EPHA6: variants seen among roughly 807,000 people sequenced by gnomAD.
The protein encoded by EPHA6 is ephrin type-A receptor 6.
EPHA6 carries 50 observed loss-of-function variants against 112.0 expected under a neutral mutation model. The observed-to-expected ratio is 0.45, with a 90% CI of 0.36 to 0.56. EPHA6 has a LOEUF of 0.56. Ranked by LOEUF, EPHA6 falls within the 20% of genes least tolerant of loss-of-function variation. EPHA6 has a pLI of 0.00. For missense variants in EPHA6, 1,280 were observed against 1,417.4 expected, an observed-to-expected ratio of 0.90 and a Z score of 1.56; for synonymous variants, 529 against 490.7, an observed-to-expected ratio of 1.08 and a Z score of -1.03.
At chr3:97,592,483 TC>T (rs2107347730) in intron 11 of EPHA6, 128 bp from the exon 12 acceptor site, 13 of 1,057,616 alleles carry the variant, frequency 1.2e-5, no homozygotes, top group Non-Finnish European at 1.8e-5. Context: ...ATGCATTCCA[TC>T]CCTTTAATTT....
intron 5 of EPHA6, among the ~76,000 whole-genome samples, chr3:97,330,148 G>A (rs1455378855): frequency 1.3e-5 from 2 of 151,952 alleles, no homozygotes; most frequent in East Asian, 3.9e-4. Context: ...CATTATTTCT[G>A]AGGGCTCTGT....
intron 13 of EPHA6, among the ~76,000 whole-genome samples, chr3:97,634,304 T>C (rs1189440317): frequency 6.6e-6 from 1 of 152,076 alleles, no homozygotes; most frequent in Non-Finnish European, 1.5e-5. Flanking sequence ...TTAGCTATTT[T>C]TCTCCTATAA....
intron 2 of EPHA6, among the ~76,000 whole-genome samples, chr3:96,887,233 G>C (rs1425470251): frequency 6.6e-6 from 1 of 152,154 alleles, no homozygotes; most frequent in Admixed American, 6.5e-5. Flanking sequence ...TCAGAGGGAG[G>C]TTCTAAGGCT....
intron 3 of EPHA6, among the ~76,000 whole-genome samples, chr3:97,090,968 TA>T (rs1336993773): frequency 6.6e-6 from 1 of 152,164 alleles, no homozygotes; most frequent in Non-Finnish European, 1.5e-5. Context: ...CTGTTTACAC[TA>T]ATAATTACAG....
Position 97,747,538 on chromosome 3 carries a change from A to G in EPHA6, c.3244A>G (p.Thr1082Ala), listed in dbSNP as rs771996080. 6.2e-7 allele frequency: 1 copy of G among 1,609,878 alleles called. No individual in the cohort carries two copies. The highest frequency in any genetic ancestry group is 1.3e-5 in the African/African-American group (1 of 74,600). The part of the protein sequence containing the change: ...YKNNFVAAGF[T>A]TFDLISRMSI... Reference sequence around the variant, plus strand: ...GAATAACTTCGTGGCAGCAGGGTTTACAACATTTGACCTGATTTCAAGAAT... The same window carrying G: ...GAATAACTTCGTGGCAGCAGGGTTTGCAACATTTGACCTGATTTCAAGAAT... Residue 1082 changes from threonine to alanine, a missense_variant, in exon 17 of 18, where the codon ACA becomes GCA. Physicochemically the swap from Thr to Ala is moderately conservative, Grantham distance 58. Transcript: ENST00000389672.
intron 3 of EPHA6, among the ~76,000 whole-genome samples, chr3:97,071,614 GC>G (rs1383873523): frequency 6.6e-6 from 1 of 151,928 alleles, no homozygotes; most frequent in Non-Finnish European, 1.5e-5. Context: ...AGAAAGACTG[GC>G]CCCCATGATT....
chr3:97,466,268 G>C (rs778871676), intron 7 of EPHA6: 4 of 1,184,384 alleles, frequency 3.4e-6, no homozygotes, highest in Non-Finnish European at 5.0e-6. Flanking sequence ...TGACAGTAAG[G>C]TTAGATAGAA....
chr3:97,253,827 T>C (rs534099606), intron 5 of EPHA6, among the ~76,000 whole-genome samples: 95 of 152,278 alleles, frequency 6.2e-4, no homozygotes, highest in Non-Finnish European at 1.1e-3. Flanking sequence ...AAATAGTGGA[T>C]GTTTGGCCAT....
intron 1 of EPHA6, among the ~76,000 whole-genome samples, chr3:96,815,669 A>G (rs2032720882): frequency 6.6e-6 from 1 of 152,138 alleles, no homozygotes; most frequent in Non-Finnish European, 1.5e-5. Context: ...CAAGTCACTG[A>G]CAGATTGCTT....
chr3:97,249,103 G>A (rs1276544392), intron 5 of EPHA6, among the ~76,000 whole-genome samples: 1 of 151,114 alleles, frequency 6.6e-6, no homozygotes, highest in Non-Finnish European at 1.5e-5. Flanking sequence ...TGAAATACAA[G>A]CCAGAGGCAT....
At chr3:97,382,592 A>C (rs1295394330) in intron 5 of EPHA6, among the ~76,000 whole-genome samples, 2 of 152,078 alleles carry the variant, frequency 1.3e-5, no homozygotes, top group Non-Finnish European at 2.9e-5. Flanking sequence ...TGCTCTTTCA[A>C]ATAACTAAAG....
intron 2 of EPHA6, among the ~76,000 whole-genome samples, chr3:96,931,893 T>A (rs907452705): frequency 6.6e-6 from 1 of 152,138 alleles, no homozygotes; most frequent in Non-Finnish European, 1.5e-5. Flanking sequence ...TTGTTGAGGA[T>A]CCTAGAGCCA....
At chr3:97,418,504 T>A (rs1445314472) in intron 6 of EPHA6, among the ~76,000 whole-genome samples, 3 of 152,118 alleles carry the variant, frequency 2.0e-5, no homozygotes, top group African/African-American at 7.2e-5. Context: ...CAACCAGACT[T>A]AAAGCAGCTG....
Position 97,324,409 on chromosome 3 carries a change from C to CTTTCCTTCT in EPHA6, c.1606+80126_1606+80127insCTTCTTTTC, listed in dbSNP as rs1414203759. ...AAGATTTCTTTGCTTTCCTTCTTTT[C>CTTTCCTTCT]TTTCTTTCTTTCTTTCTTTCTTTCT... is the stretch of plus-strand genomic sequence containing the variant. On this transcript the variant is annotated intron_variant, in intron 5 of 17. Coordinates refer to ENST00000389672, the MANE Select transcript of EPHA6 (RefSeq NM_001080448.3). 3.5e-3 allele frequency among the ~76,000 whole-genome samples: 348 copies of CTTTCCTTCT among 98,114 alleles called. 3 individuals are homozygous for CTTTCCTTCT. Among genetic ancestry groups the CTTTCCTTCT allele is most frequent in the African/African-American group, 0.012 (297 of 24,772 alleles). 64.4% of individuals were successfully genotyped at this position (98,114 alleles called of 152,430 possible).
At chr3:97,139,765 A>G (rs893213369) in intron 3 of EPHA6, among the ~76,000 whole-genome samples, 2 of 152,192 alleles carry the variant, frequency 1.3e-5, no homozygotes, top group African/African-American at 4.8e-5. Context: ...GAACTCTGAC[A>G]CTTAGAAAAA....
At chr3:97,324,077 G>T (rs1173649471) in intron 5 of EPHA6, among the ~76,000 whole-genome samples, 2 of 152,016 alleles carry the variant, frequency 1.3e-5, no homozygotes, top group African/African-American at 4.8e-5. Context: ...CTCTTCCAAA[G>T]CATACTTAGA....
intron 2 of EPHA6, among the ~76,000 whole-genome samples, chr3:96,944,647 T>C (rs776438763): frequency 6.6e-6 from 1 of 152,198 alleles, no homozygotes; most frequent in Non-Finnish European, 1.5e-5. Flanking sequence ...TCAAGAGATA[T>C]GCAGTTTTCT....
chr3:97,356,358 A>T (rs184173993), intron 5 of EPHA6, among the ~76,000 whole-genome samples: 1 of 152,322 alleles, frequency 6.6e-6, no homozygotes, highest in East Asian at 1.9e-4. Context: ...ATAAAGTACA[A>T]AATAAATGTA....
chr3:97,130,531 C>T (rs1322620449), intron 3 of EPHA6, among the ~76,000 whole-genome samples: 8 of 152,044 alleles, frequency 5.3e-5, no homozygotes, highest in Non-Finnish European at 4.4e-5. Flanking sequence ...CTATTTTTGT[C>T]ATTTTTCTGC....
Sources: gnomAD v4.1 joint callset for allele counts (sites outside exome capture counted in the v4.1 genomes callset) on GRCh38, gnomAD v4.1.1 for gene constraint, MANE v1.5 for transcripts, NCBI Gene and HGNC (gene_info 2026-07-23, HGNC 2026-07-21) for gene names.